The following TPCN1 variants were observed in gnomAD, a reference collection of about 807,000 sequenced individuals.
TPCN1 encodes two pore segment channel 1.
A neutral mutation model predicts 108.8 loss-of-function variants in TPCN1; 52 were observed. The observed-to-expected ratio is 0.48, with a 90% CI of 0.38 to 0.60. The LOEUF (loss-of-function observed/expected upper bound fraction) is 0.60. Ranked by LOEUF, TPCN1 falls within the 20% of genes least tolerant of loss-of-function variation. The probability of loss-of-function intolerance (pLI) is 0.00; values close to 1 mark genes in which losing one functional copy is unlikely to be tolerated. For missense variants in TPCN1, 806 were observed against 1,072.8 expected (o/e 0.75, Z 3.47); for synonymous variants, 446 against 433.7 (o/e 1.03, Z -0.35).
chr12:113,248,597 C>A (rs1239732044), intron 2 of TPCN1, among the ~76,000 whole-genome samples: 1 of 152,146 alleles, frequency 6.6e-6, no homozygotes, highest in Non-Finnish European at 1.5e-5. Context: ...GAGGCAGAGG[C>A]CCCAAGGCGG....
chr12:113,224,791 G>A (rs1466899120), intron 1 of TPCN1, among the ~76,000 whole-genome samples: 2 of 151,800 alleles, frequency 1.3e-5, no homozygotes, highest in African/African-American at 4.8e-5. Context: ...TGGCTCTGTC[G>A]CCCAGGCTGC....
rs1455745102 is a variant in TPCN1 at position 113,293,072 on chromosome 12, A to C, written c.2252A>C (p.Gln751Pro). The C allele has an allele frequency of 6.2e-7, 1 of 1,611,100 alleles. No individual in the cohort carries two copies. Among genetic ancestry groups the C allele is most frequent in the Non-Finnish European group, 8.5e-7 (1 of 1,178,840 alleles). The stretch of plus-strand genomic sequence containing the variant: ...ACCCTCTCCCAGATGGAGAGATACC[A>C]GGTGAGGAGCCCAGGCCCTGGTCCG... Reference protein sequence around the residue: ...LETLSQMERYQQHSMVFLGRR... With the variant: ...LETLSQMERYPQHSMVFLGRR... Residue 751 changes from glutamine to proline, a missense_variant and splice_region_variant, in exon 26 of 28, where the codon CAG (glutamine) becomes CCG (proline). Physicochemically the swap from Gln to Pro is moderately conservative, Grantham distance 76. Coordinates refer to ENST00000335509, the MANE Select transcript of TPCN1 (RefSeq NM_017901.6).
rs893543366 is a variant in TPCN1 at position 113,226,933 on chromosome 12, C to T, written c.81C>T (p.Asn27=). The T allele has an allele frequency of 2.3e-5, 37 of 1,613,906 alleles. No homozygotes were observed. The highest frequency in any genetic ancestry group is 6.7e-5 in the African/African-American group (5 of 74,932). Residue 27 remains asparagine, a synonymous_variant, in exon 2 of 28, where the codon AAC becomes AAT. Transcript: ENST00000335509. ...GCAGTGCCCCACTGGCTCCCTCCAA[C>T]GGCCTGGGCCAAGAAGAGCTACCTA... The part of the protein sequence containing the change: ...EGGSAPLAPS[N]GLGQEELPSK...
chr12:113,270,855 C>T (rs1465203701), intron 7 of TPCN1, among the ~76,000 whole-genome samples: 1 of 152,166 alleles, frequency 6.6e-6, no homozygotes, highest in Non-Finnish European at 1.5e-5. Flanking sequence ...CTCCCACAGC[C>T]GCCACCTCCT....
chr12:113,255,248 TAAC>T (rs1164211197), intron 2 of TPCN1, among the ~76,000 whole-genome samples: 1 of 152,216 alleles, frequency 6.6e-6, no homozygotes, highest in African/African-American at 2.4e-5. Flanking sequence ...TTCTGTATCC[TAAC>T]AACAAACAAT....
In TPCN1 at chr12:113,269,719, A is replaced by G; in HGVS notation, c.660-38A>G. The G allele has an allele frequency of 6.3e-7, 1 of 1,596,860 alleles. No homozygotes were observed. The highest frequency in any genetic ancestry group is 8.6e-7 in the Non-Finnish European group (1 of 1,167,818). ...GGAGGAGTCCCAGGCAGCCCGCCCC[A>G]GCTGGTGCCTCCCCTGAGCTGGCCC... is the stretch of plus-strand genomic sequence containing the variant. On this transcript the variant is annotated intron_variant, in intron 6 of 27. Transcript: ENST00000335509. This position sits in a 1 kb window ranked among gnomAD's most constrained non-coding sequence, Gnocchi z 5.0.
intron 10 of TPCN1, among the ~76,000 whole-genome samples, chr12:113,275,697 C>T (rs944041473): frequency 2.0e-5 from 3 of 151,924 alleles, no homozygotes; most frequent in Non-Finnish European, 2.9e-5. Context: ...CTCAGCCTCC[C>T]GAGTAGCTGG....
rs993530108 is a variant in TPCN1, at chr12:113,296,983, G to C, written c.*907G>C. On this transcript the variant is annotated 3_prime_UTR_variant, in exon 28 of 28. Transcript: ENST00000335509. ...AGCCGATACCAGGTCCTTCACACGT[G>C]TGCACTAGGAACAGGAGCGAACAGC... is the stretch of plus-strand genomic sequence containing the variant. 1.3e-5 allele frequency: 2 copies of C among 152,252 alleles called. No individual in the cohort carries two copies. The highest frequency in any genetic ancestry group is 2.9e-5 in the Non-Finnish European group (2 of 68,064). The allele number at this position is 152,252 out of a possible 1,614,324, so 9.4% of individuals were successfully genotyped here. A position where few individuals can be genotyped will look rare whatever the true frequency, so the allele number is the denominator to read the frequency against.
chr12:113,249,501 T>A (rs1954546105), intron 2 of TPCN1: 1 of 152,234 alleles, frequency 6.6e-6, no homozygotes, highest in Non-Finnish European at 1.5e-5. Context: ...TGCCCTCAGT[T>A]TCCCCATCTC....
intron 2 of TPCN1, among the ~76,000 whole-genome samples, chr12:113,253,612 A>G (rs1384695409): frequency 6.6e-6 from 1 of 152,202 alleles, no homozygotes; most frequent in East Asian, 1.9e-4. Flanking sequence ...TGTCTGCACC[A>G]GCTGCTTGGG....
intron 2 of TPCN1, among the ~76,000 whole-genome samples, chr12:113,233,257 G>A (rs1191722122): frequency 6.6e-6 from 1 of 152,198 alleles, no homozygotes; most frequent in Non-Finnish European, 1.5e-5. Context: ...TGGCAGCTGG[G>A]TGCAGGCTGA....
At chr12:113,245,383 G>A (rs1432785093) in intron 2 of TPCN1, among the ~76,000 whole-genome samples, 1 of 121,754 alleles carries the variant, frequency 8.2e-6, no homozygotes, top group Non-Finnish European at 1.7e-5. Flanking sequence ...GGATCACGAG[G>A]TCAGGAGATC....
chr12:113,282,403 G>C (rs1039101271), intron 15 of TPCN1, among the ~76,000 whole-genome samples: 2 of 151,744 alleles, frequency 1.3e-5, no homozygotes, highest in East Asian at 1.9e-4. Context: ...TACACATTTG[G>C]ATTTCTTTAT....
rs186589331 is a variant in TPCN1 at position 113,282,313 on chromosome 12, G to A, written c.1342+2118G>A. ...TCCCCACGTTGGCCAGGCTGGTCTCGAACTTCTGACCTCAGTTGATCCACC... is the reference window on the plus strand; with the variant it reads ...TCCCCACGTTGGCCAGGCTGGTCTCAAACTTCTGACCTCAGTTGATCCACC... On this transcript the variant is annotated intron_variant, in intron 15 of 27. Coordinates refer to ENST00000335509, the MANE Select transcript of TPCN1 (RefSeq NM_017901.6). Among the ~76,000 whole-genome samples, 782 of 151,570 alleles carry A rather than the reference G, an allele frequency of 5.2e-3. 11 individuals are homozygous for A. Among genetic ancestry groups the A allele is most frequent in the African/African-American group, 0.018 (740 of 41,372 alleles).
chr12:113,252,815 T>C (rs1409632626), intron 2 of TPCN1, among the ~76,000 whole-genome samples: 1 of 152,140 alleles, frequency 6.6e-6, no homozygotes, highest in African/African-American at 2.4e-5. Flanking sequence ...CCTTCTTCTG[T>C]CTCTGCCTAG....
intron 2 of TPCN1, among the ~76,000 whole-genome samples, chr12:113,259,001 C>T (rs1480911462): frequency 2.7e-5 from 4 of 146,764 alleles, no homozygotes; most frequent in Non-Finnish European, 4.5e-5. Flanking sequence ...TTTTTTGAGA[C>T]GGAGTCTTGC....
chr12:113,247,201 C>T (rs1954428569), intron 2 of TPCN1, among the ~76,000 whole-genome samples: 7 of 152,216 alleles, frequency 4.6e-5, no homozygotes, highest in Admixed American at 4.6e-4. Context: ...CCTGCACATG[C>T]TCTTAGTTCC....
chr12:113,256,993 G>T (rs1954850848), intron 2 of TPCN1, among the ~76,000 whole-genome samples: 1 of 152,082 alleles, frequency 6.6e-6, no homozygotes, highest in Non-Finnish European at 1.5e-5. Context: ...AAATCATCAT[G>T]TATCTGATAG....
chr12:113,286,710 G>A (rs913438244), intron 18 of TPCN1, among the ~76,000 whole-genome samples: 2 of 152,198 alleles, frequency 1.3e-5, no homozygotes, highest in Admixed American at 6.5e-5. Flanking sequence ...CCTTCTTGTC[G>A]TTAGACCAGC....
Sources: allele counts gnomAD v4.1 joint callset (sites outside exome capture counted in the v4.1 genomes callset), GRCh38; gene constraint gnomAD v4.1.1; non-coding constraint Gnocchi (gnomAD v3.1); transcripts MANE v1.5; gene names NCBI Gene and HGNC (gene_info 2026-07-23, HGNC 2026-07-21).